The following BBS9 variants were observed in gnomAD, a reference collection of about 807,000 sequenced individuals.
The protein encoded by BBS9 is Bardet-Biedl syndrome 9, also known as protein PTHB1.
In BBS9, 89 loss-of-function variants were observed where a neutral mutation model predicts 117.7. The observed-to-expected ratio is 0.76, with a 90% CI of 0.64 to 0.90. BBS9 has a LOEUF of 0.90. Ranked by LOEUF, BBS9 falls within the 40% of genes least tolerant of loss-of-function variation. The probability of loss-of-function intolerance (pLI) is 0.00; values close to 1 mark genes in which losing one functional copy is unlikely to be tolerated. For synonymous variants in BBS9, 379 were observed against 370.9 expected, an observed-to-expected ratio of 1.02 and a Z score of -0.25; for missense variants, 982 against 1,042.2, an observed-to-expected ratio of 0.94 and a Z score of 0.80.
chr7:33,541,232 A>G (rs909214431), intron 21 of BBS9, among the ~76,000 whole-genome samples: 3 of 152,084 alleles, frequency 2.0e-5, no homozygotes, highest in Admixed American at 6.5e-5. Flanking sequence ...GTCTGATCTC[A>G]GTGTATGATG....
Position 33,621,039 on chromosome 7 carries a change from T to C in BBS9, c.2522-14138T>C, listed in dbSNP as rs375936454. On this transcript the variant is annotated intron_variant, in intron 21 of 21. Transcript: ENST00000671952. ...ATCCATATGCAGAAGAATGAAAAAT[T>C]GCCCCTTATCTCACATCATATACAA... 2.2e-3 allele frequency among the ~76,000 whole-genome samples: 342 copies of C among 152,222 alleles called. 2 individuals are homozygous for C. Among genetic ancestry groups the C allele is most frequent in the African/African-American group, 7.8e-3 (323 of 41,540 alleles).
At chr7:33,274,401 G>A (rs372980101) in intron 9 of BBS9, among the ~76,000 whole-genome samples, 6 of 152,250 alleles carry the variant, frequency 3.9e-5, no homozygotes, top group African/African-American at 4.8e-5. Flanking sequence ...ATGATCATGT[G>A]TTTACACAGT....
intron 4 of BBS9, among the ~76,000 whole-genome samples, chr7:33,167,558 A>G (rs1795897070): frequency 6.6e-6 from 1 of 152,016 alleles, no homozygotes; most frequent in South Asian, 2.1e-4. Context: ...GCCCACCACC[A>G]TGTCCAGCTA....
chr7:33,411,247 C>G (rs1831092333), intron 19 of BBS9, among the ~76,000 whole-genome samples: 1 of 152,062 alleles, frequency 6.6e-6, no homozygotes, highest in East Asian at 1.9e-4. Flanking sequence ...CAAACTACTT[C>G]AAATCCCTGA....
intron 19 of BBS9, among the ~76,000 whole-genome samples, chr7:33,490,613 A>G (rs978232562): frequency 2.0e-5 from 3 of 152,202 alleles, no homozygotes; most frequent in African/African-American, 7.2e-5. Flanking sequence ...CATTGAGCCA[A>G]ATTTCTTCCT....
At position 33,225,347 on chromosome 7, in the gene BBS9, G is replaced by A. The variant is rs117135018; in HGVS notation, c.443-31889G>A. Among the ~76,000 whole-genome samples, 760 of 152,164 alleles carry A rather than the reference G, an allele frequency of 5.0e-3. 18 individuals carry two copies. In the East Asian group the frequency reaches 0.054, roughly 11 times the overall value. On this transcript the variant is annotated intron_variant, in intron 5 of 22. Coordinates refer to ENST00000242067, the MANE Select transcript of BBS9 (RefSeq NM_198428.3). ...CAAGTAGTTGGGACCACTGGTACCT[G>A]CTACCATGCCTAACTTTTTGAAATA...
intron 5 of BBS9, among the ~76,000 whole-genome samples, chr7:33,224,212 A>G (rs918821702): frequency 8.5e-5 from 13 of 152,212 alleles, no homozygotes; most frequent in Non-Finnish European, 8.8e-5. Flanking sequence ...TTTAATCGCC[A>G]AAACAATGTT....
chr7:33,577,372 G>A (rs1003077090), intron 21 of BBS9, among the ~76,000 whole-genome samples: 1 of 152,224 alleles, frequency 6.6e-6, no homozygotes, highest in African/African-American at 2.4e-5. Flanking sequence ...ACGCCAGTTA[G>A]AATGGCGATC....
intron 5 of BBS9, among the ~76,000 whole-genome samples, chr7:33,190,270 C>T (rs1182747263): frequency 1.3e-5 from 2 of 152,020 alleles, no homozygotes; most frequent in Non-Finnish European, 2.9e-5. Flanking sequence ...CAGGCACCCG[C>T]CACCACACTC....
chr7:33,158,541 A>G (rs983526420), intron 4 of BBS9, among the ~76,000 whole-genome samples: 2 of 152,166 alleles, frequency 1.3e-5, no homozygotes, highest in African/African-American at 4.8e-5. Flanking sequence ...CTTTTTCTCC[A>G]TAGTTGCATT....
intron 20 of BBS9, among the ~76,000 whole-genome samples, chr7:33,509,359 A>T (rs1224157229): frequency 1.3e-5 from 2 of 152,234 alleles, no homozygotes; most frequent in Admixed American, 1.3e-4. Flanking sequence ...AATAAATGTT[A>T]TGTGATGGGT....
intron 21 of BBS9, among the ~76,000 whole-genome samples, chr7:33,633,515 T>TC (rs1562547925): frequency 6.7e-6 from 1 of 149,956 alleles, no homozygotes; most frequent in Non-Finnish European, 1.5e-5. Context: ...TTTTTCTTTT[T>TC]TTTTTTTTTT....
At position 33,351,269 on chromosome 7, in the gene BBS9, T is replaced by G. The variant is rs1434052816; in HGVS notation, c.1483T>G (p.Tyr495Asp). ...VSFSVYLKRS[Y>D]TPSELEGNAV... The stretch of plus-strand genomic sequence containing the variant: ...CTTTTCTGTTTATCTGAAAAGAAGT[T>G]ATACACCATCAGAATTGGAAGGAAA... The change falls in exon 14 of 23, where the codon TAT (tyrosine) becomes GAT (aspartate). Residue 495 changes from tyrosine to aspartate, a missense_variant. Coordinates refer to ENST00000242067, the MANE Select transcript of BBS9 (RefSeq NM_198428.3). 6.2e-7 allele frequency: 1 copy of G among 1,613,462 alleles called. No homozygotes were observed. Among genetic ancestry groups the G allele is most frequent in the South Asian group, 1.1e-5 (1 of 91,072 alleles).
At chr7:33,619,616 A>G (rs572614151) in intron 21 of BBS9, among the ~76,000 whole-genome samples, 3 of 152,328 alleles carry the variant, frequency 2.0e-5, no homozygotes, top group African/African-American at 7.2e-5. Flanking sequence ...GTCACAAAAC[A>G]AGTCCTAACA....
chr7:33,261,838 G>C (rs1798027628), intron 6 of BBS9, among the ~76,000 whole-genome samples: 1 of 152,172 alleles, frequency 6.6e-6, no homozygotes. Context: ...TTTCTGTTCT[G>C]AGAGACATGT....
At chr7:33,294,359 G>GCA (rs1804818855) in intron 9 of BBS9, among the ~76,000 whole-genome samples, 2 of 139,694 alleles carry the variant, frequency 1.4e-5, no homozygotes, top group African/African-American at 5.4e-5. Context: ...CTATCTCTTT[G>GCA]TCCATCCATC....
At chr7:33,222,715 AGGTGGGT>A (rs1248192808) in intron 5 of BBS9, among the ~76,000 whole-genome samples, 1 of 152,002 alleles carries the variant, frequency 6.6e-6, no homozygotes, top group Non-Finnish European at 1.5e-5. Context: ...TGGGAGGCTG[AGGTGGGT>A]GGATCACTTT....
chr7:33,519,987 C>G (rs1294797293), intron 20 of BBS9, among the ~76,000 whole-genome samples: 2 of 151,342 alleles, frequency 1.3e-5, no homozygotes, highest in African/African-American at 4.9e-5. Context: ...GTAAGATTCT[C>G]AGCACATAAG....
intron 9 of BBS9, among the ~76,000 whole-genome samples, chr7:33,319,992 A>G (rs565317082): frequency 6.6e-6 from 1 of 152,322 alleles, no homozygotes; most frequent in East Asian, 1.9e-4. Flanking sequence ...CTGTAGCATT[A>G]TATTTTTATG....
Sources: allele counts gnomAD v4.1 joint callset (sites outside exome capture counted in the v4.1 genomes callset), GRCh38; gene constraint gnomAD v4.1.1; transcripts MANE v1.5; gene names NCBI Gene and HGNC (gene_info 2026-07-23, HGNC 2026-07-21).